CRB1: variants seen among roughly 807,000 people sequenced by gnomAD.
CRB1 encodes crumbs cell polarity complex component 1, also known as protein crumbs homolog 1.
A neutral mutation model predicts 120.0 loss-of-function variants in CRB1; 83 were observed. The observed-to-expected ratio is 0.69, with a 90% CI of 0.58 to 0.83. CRB1 has a LOEUF of 0.83. CRB1 is among the 40% of genes least tolerant of loss of function. The pLI is 0.00. For synonymous variants in CRB1, 625 were observed against 612.5 expected, an observed-to-expected ratio of 1.02 and a Z score of -0.30; for missense variants, 1,699 against 1,687.6, an observed-to-expected ratio of 1.01 and a Z score of -0.12.
chr1:197,400,454 A>T (rs982984396), intron 5 of CRB1, among the ~76,000 whole-genome samples: 2 of 147,336 alleles, frequency 1.4e-5, no homozygotes, highest in Non-Finnish European at 3.0e-5. Flanking sequence ...GAGTAGCAGA[A>T]CCAGAAGTAA....
the CRB1 span, among the ~76,000 whole-genome samples, chr1:197,256,824 G>GA: frequency 0.02 from 2,892 of 144,268 alleles, 262 homozygotes; most frequent in East Asian, 0.27. Flanking sequence ...GAAAATTTCA[G>GA]AAAAAAAAAC....
At chr1:197,392,796 G>A (rs999992763) in intron 5 of CRB1, among the ~76,000 whole-genome samples, 11 of 152,102 alleles carry the variant, frequency 7.2e-5, no homozygotes, top group African/African-American at 2.7e-4. Context: ...CAGTGGACTA[G>A]GGAAGCTGTC....
intron 5 of CRB1, chr1:197,360,405 A>C (rs2786119): frequency 0.76 from 116,234 of 152,184 alleles, 44,569 homozygotes; most frequent in South Asian, 0.84. Context: ...GCATCTGCTG[A>C]AAGGAGGCCC....
At chr1:197,296,839 T>A (rs1014857294) in intron 1 of CRB1, among the ~76,000 whole-genome samples, 1 of 152,026 alleles carries the variant, frequency 6.6e-6, no homozygotes, top group Non-Finnish European at 1.5e-5. Flanking sequence ...TGGTCCTCAT[T>A]TCTCTCTTGC....
chr1:197,229,867 A>G, the CRB1 span, among the ~76,000 whole-genome samples: 1 of 152,234 alleles, frequency 6.6e-6, no homozygotes, highest in Non-Finnish European at 1.5e-5. Context: ...AAATAAAAAA[A>G]AGACCTACAG....
chr1:197,428,071 A>T, intron 7 of CRB1, 70 bp downstream of exon 7: 1 of 1,355,768 alleles, frequency 7.4e-7, no homozygotes, highest in Non-Finnish European at 1.0e-6. Context: ...AAGATAACTT[A>T]TTAAAACCAT....
chr1:197,404,441 CAAAAAAAAAAAAAAAA>C (rs558125777), intron 5 of CRB1, among the ~76,000 whole-genome samples: 3 of 58,718 alleles, frequency 5.1e-5, no homozygotes, highest in Non-Finnish European at 6.6e-5. Flanking sequence ...GACTCCGTCT[CAAAAAAAAAAAAAAAA>C]AAAAAAAAAA....
intron 5 of CRB1, among the ~76,000 whole-genome samples, chr1:197,420,133 G>A (rs1362262375): frequency 1.3e-5 from 2 of 152,016 alleles, no homozygotes; most frequent in Non-Finnish European, 2.9e-5. Flanking sequence ...TCAGAAAATT[G>A]TAGTGAGCAC....
chr1:197,461,864 A>C (rs1666547148), intron 11 of CRB1, among the ~76,000 whole-genome samples: 1 of 152,120 alleles, frequency 6.6e-6, no homozygotes, highest in African/African-American at 2.4e-5. Flanking sequence ...AGCTCAGTTC[A>C]AAAAAATTTC....
chr1:197,422,921 G>T (rs955596393), intron 6 of CRB1: 7 of 152,176 alleles, frequency 4.6e-5, no homozygotes, highest in Non-Finnish European at 1.0e-4. Flanking sequence ...AAATGTCTAA[G>T]AATTATTAGA....
chr1:197,272,916 A>G (rs1036495893), intron 1 of CRB1, among the ~76,000 whole-genome samples: 7 of 152,208 alleles, frequency 4.6e-5, no homozygotes, highest in Non-Finnish European at 8.8e-5. Flanking sequence ...CATTTAGGAA[A>G]TCAAGGAAAT....
intron 3 of CRB1, 145 bp from the exon 4 acceptor site, chr1:197,347,195 T>A (rs1659823334): frequency 2.7e-6 from 2 of 754,382 alleles, no homozygotes; most frequent in South Asian, 2.9e-5. Context: ...ATGCATTCAG[T>A]CCTGTATAGA....
chr1:197,347,945 G>A (rs941436482), intron 4 of CRB1, among the ~76,000 whole-genome samples: 14 of 140,202 alleles, frequency 1.0e-4, no homozygotes, highest in African/African-American at 4.6e-4. Flanking sequence ...TTTACATATA[G>A]AGGATAATTA....
At chr1:197,245,987 T>G in the CRB1 span, among the ~76,000 whole-genome samples, 1 of 152,086 alleles carries the variant, frequency 6.6e-6, no homozygotes, top group Non-Finnish European at 1.5e-5. Flanking sequence ...GTTCTAACTT[T>G]CCAGCAGGGC....
chr1:197,343,838 G>A (rs994871014), intron 2 of CRB1, among the ~76,000 whole-genome samples: 3 of 152,158 alleles, frequency 2.0e-5, no homozygotes, highest in African/African-American at 7.2e-5. Flanking sequence ...GCTTGCCCAA[G>A]GTCATACAGC....
chr1:197,290,067 G>C (rs1325266793), intron 1 of CRB1, among the ~76,000 whole-genome samples: 2 of 151,448 alleles, frequency 1.3e-5, no homozygotes, highest in Non-Finnish European at 3.0e-5. Context: ...CTTGTTCCTT[G>C]TTTGTTTTTC....
At chr1:197,420,004 CA>C (rs1014820864) in intron 5 of CRB1, among the ~76,000 whole-genome samples, 1 of 146,430 alleles carries the variant, frequency 6.8e-6, no homozygotes, top group African/African-American at 2.5e-5. Context: ...AAAAAACAAA[CA>C]AAAAAAACTA....
At chr1:197,362,993 A>T (rs1284469086) in intron 5 of CRB1, among the ~76,000 whole-genome samples, 1 of 151,856 alleles carries the variant, frequency 6.6e-6, no homozygotes, top group Non-Finnish European at 1.5e-5. Context: ...TTGGGATTTC[A>T]TCTTGATTTC....
chr1:197,421,776 T>C lies in CRB1; in HGVS notation c.1948T>C (p.Trp650Arg). The C allele has an allele frequency of 6.2e-7, 1 of 1,614,204 alleles. No homozygotes were observed. The highest frequency in any genetic ancestry group is 8.5e-7 in the Non-Finnish European group (1 of 1,180,032). ...CTGTCTCCAAGACATTAAAATTGAT[T>C]GGAATCACATTACCCTGGAGAACAT... ...VGCLQDIKID[W>R]NHITLENISS... Residue 650 changes from tryptophan to arginine, a missense_variant, in exon 6 of 12, where the codon TGG becomes CGG. Transcript: ENST00000367400.
Sources: allele counts gnomAD v4.1 joint callset (sites outside exome capture counted in the v4.1 genomes callset), GRCh38; gene constraint gnomAD v4.1.1; transcripts MANE v1.5; gene names NCBI Gene and HGNC (gene_info 2026-07-23, HGNC 2026-07-21).